REV3L: variants seen among roughly 807,000 people sequenced by gnomAD.
REV3L encodes the protein DNA polymerase zeta catalytic subunit.
A neutral mutation model predicts 299.4 loss-of-function variants in REV3L; 69 were observed. The observed-to-expected ratio is 0.23, with a 90% confidence interval of 0.19 to 0.28. REV3L has a LOEUF of 0.28. Among genes scored for constraint, REV3L ranks in the 10% least tolerant of loss-of-function variants. REV3L has a pLI of 1.00. For synonymous variants in REV3L, 1,238 were observed against 1,271.4 expected (o/e 0.97, Z 0.56); for missense variants, 3,128 against 3,693.8 (o/e 0.85, Z 3.97).
chr6:111,454,508 C>T (rs1789943188), intron 1 of REV3L, among the ~76,000 whole-genome samples: 1 of 152,034 alleles, frequency 6.6e-6, no homozygotes, highest in Non-Finnish European at 1.5e-5. Context: ...AGAACTTTCC[C>T]ATCATCACAA....
At chr6:111,371,607 G>A (rs913164075) in intron 13 of REV3L, among the ~76,000 whole-genome samples, 10 of 150,584 alleles carry the variant, frequency 6.6e-5, no homozygotes, top group African/African-American at 2.0e-4. Context: ...TATTGCCCAG[G>A]CAACAAAGTG....
At chr6:111,468,777 T>C (rs762906141) in intron 1 of REV3L, among the ~76,000 whole-genome samples, 4 of 152,194 alleles carry the variant, frequency 2.6e-5, no homozygotes, top group East Asian at 3.8e-4. Flanking sequence ...GTGTGGGCTG[T>C]TGGTCATTCT....
intron 31 of REV3L, among the ~76,000 whole-genome samples, chr6:111,306,415 T>A (rs1002269058): frequency 2.0e-5 from 3 of 152,146 alleles, no homozygotes; most frequent in South Asian, 2.1e-4. Context: ...GGATAGCAGG[T>A]AGGGACAGAA....
chr6:111,333,261 G>A lies in REV3L; in HGVS notation c.7787C>T (p.Pro2596Leu). 6.2e-7 allele frequency: 1 copy of A among 1,614,098 alleles called. No individual in the cohort carries two copies. The highest frequency in any genetic ancestry group is 8.5e-7 in the Non-Finnish European group (1 of 1,180,006). Residue 2596 changes from proline to leucine, a missense_variant, in exon 23 of 32, where the codon CCT (proline) becomes CTT (leucine). By Grantham distance (98) the Pro-to-Leu change is moderately conservative (BLOSUM62 -3). Transcript: ENST00000368802. ...GCGGGATTCAGGCTCCATAATTAGA[G>A]GAACACACTGTGGGGCTCTCATCTG... is the stretch of plus-strand genomic sequence containing the variant. The part of the protein sequence containing the change: ...RSQMRAPQCV[P>L]LIMEPESRFY...
Position 111,377,695 on chromosome 6 carries a change from A to G in REV3L, c.1597+6T>C. 6.2e-7 allele frequency: 1 copy of G among 1,608,516 alleles called. No individual in the cohort carries two copies. Among genetic ancestry groups the G allele is most frequent in the Non-Finnish European group, 8.5e-7 (1 of 1,178,266 alleles). On this transcript the variant is annotated splice_donor_region_variant and intron_variant, in intron 12 of 31. Coordinates refer to ENST00000368802, the MANE Select transcript of REV3L (RefSeq NM_001372078.1). Reference sequence around the variant, plus strand: ...CCAATTTCTCACAGTAGACTTGTTTACTTACCACTATTTTCATCTGCAGTT... The same window carrying G: ...CCAATTTCTCACAGTAGACTTGTTTGCTTACCACTATTTTCATCTGCAGTT...
chr6:111,422,326 GAC>G (rs1785448172), intron 1 of REV3L, among the ~76,000 whole-genome samples: 1 of 151,826 alleles, frequency 6.6e-6, no homozygotes, highest in Admixed American at 6.6e-5. Flanking sequence ...TTATGCTATA[GAC>G]AGAGTTGAGC....
At chr6:111,303,063 C>CTT (rs899700979) in intron 31 of REV3L, among the ~76,000 whole-genome samples, 1 of 145,546 alleles carries the variant, frequency 6.9e-6, no homozygotes, top group African/African-American at 2.5e-5. Context: ...GGAAGGATCA[C>CTT]TTTTTTTTTT....
intron 1 of REV3L, among the ~76,000 whole-genome samples, chr6:111,467,645 T>G: frequency 6.6e-6 from 1 of 152,222 alleles, no homozygotes; most frequent in Non-Finnish European, 1.5e-5. Flanking sequence ...AATAATACAG[T>G]ATCACAACTA....
rs759494990 is a variant in REV3L, at chr6:111,441,479, T to C, written c.140-25007A>G. On this transcript the variant is annotated intron_variant, in intron 1 of 31. Transcript: ENST00000368802. ...GCTGCCCAGGCTGGTCTTGAACTCCTGGGCTCAAGTGATTCTCCCACCTCG... is the reference window on the plus strand; with the variant it reads ...GCTGCCCAGGCTGGTCTTGAACTCCCGGGCTCAAGTGATTCTCCCACCTCG... Among the ~76,000 whole-genome samples the C allele has an allele frequency of 2.6e-5, 4 of 152,200 alleles. 1 individual carries two copies. Among genetic ancestry groups the C allele is most frequent in the South Asian group, 4.1e-4 (2 of 4,830 alleles).
chr6:111,446,036 T>A (rs1414780815), intron 1 of REV3L, among the ~76,000 whole-genome samples: 1 of 152,188 alleles, frequency 6.6e-6, no homozygotes, highest in Non-Finnish European at 1.5e-5. Context: ...ACACAAAAAG[T>A]TCATTTTCAG....
chr6:111,440,284 G>C (rs1583002011), intron 1 of REV3L, among the ~76,000 whole-genome samples: 1 of 152,156 alleles, frequency 6.6e-6, no homozygotes, highest in Non-Finnish European at 1.5e-5. Flanking sequence ...GGTCAGGCTG[G>C]TCTCAAACTC....
intron 1 of REV3L, among the ~76,000 whole-genome samples, chr6:111,445,534 C>A (rs763021751): frequency 2.6e-5 from 4 of 152,074 alleles, no homozygotes; most frequent in Non-Finnish European, 4.4e-5. Flanking sequence ...GGGGGATATA[C>A]CAACAATTCA....
intron 1 of REV3L, among the ~76,000 whole-genome samples, chr6:111,429,699 C>G (rs1346099517): frequency 6.6e-6 from 1 of 152,120 alleles, no homozygotes; most frequent in East Asian, 1.9e-4. Flanking sequence ...GGTTTTTTAG[C>G]TTCTCGAGAG....
chr6:111,405,352 TTA>T, intron 4 of REV3L, 116 bp downstream of exon 4: 1 of 637,282 alleles, frequency 1.6e-6, no homozygotes, highest in Non-Finnish European at 2.3e-6. Context: ...TTTTCATTCT[TTA>T]GTCACTCAAC....
intron 31 of REV3L, among the ~76,000 whole-genome samples, chr6:111,306,241 G>C (rs577609884): frequency 3.3e-5 from 5 of 152,282 alleles, no homozygotes; most frequent in Non-Finnish European, 7.4e-5. Flanking sequence ...TCAGAAGATG[G>C]GGGGTGGGGT....
At chr6:111,318,349 C>T (rs1009537279) in intron 26 of REV3L, among the ~76,000 whole-genome samples, 5 of 151,622 alleles carry the variant, frequency 3.3e-5, no homozygotes, top group Admixed American at 1.3e-4. Flanking sequence ...GGGGTTTCAC[C>T]GTGTTAGCCA....
At chr6:111,365,214 G>A (rs536182168) in intron 15 of REV3L, 51 bp downstream of exon 15, 1 of 1,161,018 alleles carries the variant, frequency 8.6e-7, no homozygotes, top group Admixed American at 2.9e-5. Context: ...CTGAAATCTA[G>A]GAAAAAGACT....
At chr6:111,380,494 C>G (rs1381001149) in intron 10 of REV3L, among the ~76,000 whole-genome samples, 1 of 152,082 alleles carries the variant, frequency 6.6e-6, no homozygotes, top group African/African-American at 2.4e-5. Flanking sequence ...CTCCTGACCT[C>G]GTGATCTGCC....
chr6:111,437,398 A>T (rs188185071), intron 1 of REV3L, among the ~76,000 whole-genome samples: 245 of 152,214 alleles, frequency 1.6e-3, no homozygotes, highest in African/African-American at 5.5e-3. Context: ...ATAGAATATT[A>T]TTCAGCCATA....
Sources: allele counts gnomAD v4.1 joint callset (sites outside exome capture counted in the v4.1 genomes callset), GRCh38; gene constraint gnomAD v4.1.1; transcripts MANE v1.5; gene names NCBI Gene and HGNC (gene_info 2026-07-23, HGNC 2026-07-21).